EVC: variants seen among roughly 807,000 people sequenced by gnomAD.
EVC encodes evC complex member EVC.
In EVC, 116 loss-of-function variants were observed where a neutral mutation model predicts 118.9. That is an observed-to-expected ratio of 0.98 (90% CI 0.84 to 1.14). The LOEUF (loss-of-function observed/expected upper bound fraction) is 1.14. Ranked by LOEUF, EVC falls within the 50% of genes most tolerant of loss-of-function variation. The probability of loss-of-function intolerance (pLI) is 0.00; values close to 1 mark genes in which losing one functional copy is unlikely to be tolerated. For synonymous variants in EVC, 619 were observed against 534.7 expected, an observed-to-expected ratio of 1.16 and a Z score of -2.18; for missense variants, 1,401 against 1,246.4, an observed-to-expected ratio of 1.12 and a Z score of -1.87.
chr4:5,784,811 G>T (rs1447133376), intron 12 of EVC, among the ~76,000 whole-genome samples: 1 of 151,836 alleles, frequency 6.6e-6, no homozygotes, highest in African/African-American at 2.4e-5. Flanking sequence ...TTTCATCATG[G>T]TGGCCAAGCT....
chr4:5,821,050 A>G, the EVC span: 2 of 152,244 alleles, frequency 1.3e-5, no homozygotes, highest in Admixed American at 1.3e-4. The surrounding 1 kb of genome is among the most constrained non-coding windows in gnomAD (Gnocchi z 4.4). Context: ...TGAAGCCTAG[A>G]GCTGGCTTGA....
intron 20 of EVC, 24 bp from the exon 21 acceptor site, chr4:5,810,929 G>A (rs767495742): frequency 1.9e-6 from 3 of 1,602,706 alleles, no homozygotes; most frequent in East Asian, 2.3e-5. Flanking sequence ...GTTCTAACTG[G>A]CTGCCTTTCT....
At chr4:5,804,690 C>T (rs1216657440) in intron 16 of EVC, 40 bp from the exon 17 acceptor site, 1 of 1,591,890 alleles carries the variant, frequency 6.3e-7, no homozygotes, top group Non-Finnish European at 8.6e-7. Flanking sequence ...AGTGGATCCT[C>T]CAAACAGACC....
chr4:5,767,248 T>G (rs1448684926), intron 11 of EVC, among the ~76,000 whole-genome samples: 2 of 151,934 alleles, frequency 1.3e-5, no homozygotes, highest in Non-Finnish European at 2.9e-5. Flanking sequence ...GAGGAAGCAG[T>G]CTGCCTGTTC....
intron 12 of EVC, among the ~76,000 whole-genome samples, chr4:5,786,186 T>C (rs969905116): frequency 1.3e-5 from 2 of 152,248 alleles, no homozygotes; most frequent in African/African-American, 2.4e-5. Flanking sequence ...AGGGTCACAA[T>C]ATCCAAATGA....
At chr4:5,828,594 G>A in the EVC span, 3 of 1,614,164 alleles carry the variant, frequency 1.9e-6, no homozygotes, top group Admixed American at 1.7e-5. Context: ...CTTCAAAGAC[G>A]ATCTTGCCCT....
chr4:5,828,147 G>A, the EVC span: 2 of 985,408 alleles, frequency 2.0e-6, no homozygotes, highest in Non-Finnish European at 2.4e-6. Flanking sequence ...TGCAAAAGGA[G>A]GATCACAGCA....
intron 12 of EVC, among the ~76,000 whole-genome samples, chr4:5,791,179 A>C (rs944903702): frequency 6.6e-6 from 1 of 152,248 alleles, no homozygotes; most frequent in Non-Finnish European, 1.5e-5. Flanking sequence ...ATTGTGGCTA[A>C]AGAAACAATG....
chr4:5,800,794 A>G (rs1306267194), intron 15 of EVC, among the ~76,000 whole-genome samples: 2 of 152,124 alleles, frequency 1.3e-5, no homozygotes, highest in African/African-American at 4.8e-5. Flanking sequence ...GAGTTAGAAG[A>G]CCAGCTCAGA....
At chr4:5,796,074 A>G (rs556527227) in intron 13 of EVC, among the ~76,000 whole-genome samples, 81 of 152,188 alleles carry the variant, frequency 5.3e-4, no homozygotes, top group African/African-American at 1.9e-3. Flanking sequence ...CTCTTCAGCC[A>G]TATTTTATCA....
At chr4:5,794,202 T>G (rs1016786571) in intron 13 of EVC, among the ~76,000 whole-genome samples, 2 of 134,404 alleles carry the variant, frequency 1.5e-5, no homozygotes, top group African/African-American at 5.4e-5. Flanking sequence ...GAAAGTATTT[T>G]TTTCCTTCTT....
chr4:5,828,090 A>AG, the EVC span: 1 of 985,420 alleles, frequency 1.0e-6, no homozygotes, highest in Non-Finnish European at 1.2e-6. Context: ...GCCAGACCCG[A>AG]GGGTTTCTGA....
intron 11 of EVC, among the ~76,000 whole-genome samples, chr4:5,767,578 C>T (rs371061822): frequency 0.24 from 35,711 of 145,798 alleles, 4,762 homozygotes; most frequent in East Asian, 0.3. Context: ...ACCCTCCGAG[C>T]CACGTGTGGG....
chr4:5,731,800 C>T lies in EVC; in HGVS notation c.617+143C>T, dbSNP rs1308306213. On this transcript the variant is annotated intron_variant, in intron 4 of 20. Transcript: ENST00000264956. The surrounding 1 kb of genome is among the most constrained non-coding windows in gnomAD (Gnocchi z 5.6). Reference sequence around the variant, plus strand: ...ACACACAGCGACCCAGCGTCACCATCGGAGCCCCAGAGGCCTTTGTCACTT... The same window carrying T: ...ACACACAGCGACCCAGCGTCACCATTGGAGCCCCAGAGGCCTTTGTCACTT... The T allele has an allele frequency of 1.1e-5, 9 of 850,130 alleles. No homozygotes were observed. Among genetic ancestry groups the T allele is most frequent in the African/African-American group, 3.3e-5 (2 of 59,710 alleles). 52.7% of individuals were successfully genotyped at this position (850,130 alleles called of 1,614,324 possible).
chr4:5,743,455 A>G lies in EVC; in HGVS notation c.801+1641A>G, dbSNP rs1445798778. On this transcript the variant is annotated intron_variant, in intron 6 of 20. Coordinates refer to ENST00000264956, the MANE Select transcript of EVC (RefSeq NM_153717.3). This position sits in a 1 kb window ranked among gnomAD's most constrained non-coding sequence, Gnocchi z 4.7. ...TCATTACTGCCATCGTCATCGCATCATTGTTGTGATAGTCTTCATCAGCAC... is the reference window on the plus strand; with the variant it reads ...TCATTACTGCCATCGTCATCGCATCGTTGTTGTGATAGTCTTCATCAGCAC... 6.6e-6 allele frequency among the ~76,000 whole-genome samples: 1 copy of G among 152,082 alleles called. No homozygotes were observed. The highest frequency in any genetic ancestry group is 1.5e-5 in the Non-Finnish European group (1 of 68,026).
At position 5,789,149 on chromosome 4, in the gene EVC, A is replaced by G. The variant is rs77282130; in HGVS notation, c.1777-4459A>G. Among the ~76,000 whole-genome samples the G allele has an allele frequency of 7.3e-3, 1,114 of 152,284 alleles. 13 individuals carry two copies. The highest frequency in any genetic ancestry group is 0.025 in the African/African-American group (1,043 of 41,550). ...TGGGCATCTTACAGTCGTCAGCACA[A>G]TAGATTTGATAGGGAACACTAAGTC... On this transcript the variant is annotated intron_variant, in intron 12 of 20. Transcript: ENST00000264956. This position sits in a 1 kb window ranked among gnomAD's most constrained non-coding sequence, Gnocchi z 4.3.
chr4:5,778,828 G>A (rs1185598824), intron 11 of EVC, among the ~76,000 whole-genome samples: 26 of 152,256 alleles, frequency 1.7e-4, no homozygotes, highest in Middle Eastern at 3.4e-3. Flanking sequence ...TTGCTGTGCA[G>A]AAGCTCTTTA....
At chr4:5,790,987 C>T (rs1405334488) in intron 12 of EVC, among the ~76,000 whole-genome samples, 1 of 151,904 alleles carries the variant, frequency 6.6e-6, no homozygotes, top group Non-Finnish European at 1.5e-5. Flanking sequence ...CCCAGCTACT[C>T]CAGAGGCTGA....
intron 2 of EVC, among the ~76,000 whole-genome samples, chr4:5,724,520 C>T (rs1378889036): frequency 6.6e-6 from 1 of 152,144 alleles, no homozygotes; most frequent in Non-Finnish European, 1.5e-5. Context: ...GAGGGCGGAC[C>T]TGGGGCCAGC....
Sources: allele counts gnomAD v4.1 joint callset (sites outside exome capture counted in the v4.1 genomes callset), GRCh38; gene constraint gnomAD v4.1.1; non-coding constraint Gnocchi (gnomAD v3.1); transcripts MANE v1.5; gene names NCBI Gene and HGNC (gene_info 2026-07-23, HGNC 2026-07-21).